The following EIF4G3 variants were observed in gnomAD, a reference collection of about 807,000 sequenced individuals.
EIF4G3 encodes eIF-4-gamma 3.
EIF4G3 carries 34 observed loss-of-function variants against 186.4 expected under a neutral mutation model. The observed-to-expected ratio is 0.18, with a 90% CI of 0.14 to 0.24. EIF4G3 has a LOEUF of 0.24. EIF4G3 is among the 10% of genes least tolerant of loss of function. The probability of loss-of-function intolerance (pLI) is 1.00; values close to 1 mark genes in which losing one functional copy is unlikely to be tolerated. For synonymous variants in EIF4G3, 673 were observed against 679.5 expected (o/e 0.99, Z 0.15); for missense variants, 1,536 against 1,948.5 (o/e 0.79, Z 3.99).
chr1:21,002,808 T>C lies in EIF4G3; in HGVS notation c.-66A>G. The stretch of plus-strand genomic sequence containing the variant: ...GCATTCTGTCCAGAGGGATAAGGGG[T>C]CTGTCAAAAAATGGCAAGAACAATA... On this transcript the variant is annotated splice_region_variant and 5_prime_UTR_variant, in exon 5 of 37. Transcript: ENST00000602326. 1.3e-6 allele frequency: 2 copies of C among 1,557,620 alleles called. No homozygotes were observed. Among genetic ancestry groups the C allele is most frequent in the Non-Finnish European group, 1.8e-6 (2 of 1,136,158 alleles).
intron 14 of EIF4G3, among the ~76,000 whole-genome samples, chr1:20,922,427 A>G (rs1020095792): frequency 2.0e-5 from 3 of 152,016 alleles, no homozygotes; most frequent in African/African-American, 4.8e-5. Context: ...CCTCCCAAGT[A>G]GCTGGGATTA....
intron 13 of EIF4G3, among the ~76,000 whole-genome samples, chr1:20,942,662 G>A (rs2095766014): frequency 6.6e-6 from 1 of 151,962 alleles, no homozygotes; most frequent in Non-Finnish European, 1.5e-5. Context: ...CTTTAAGGTA[G>A]GAAAACCTTC....
At position 21,053,063 on chromosome 1, in the gene EIF4G3, C is replaced by G. The variant is rs2094338555; in HGVS notation, c.-195-2069G>C. Among the ~76,000 whole-genome samples, 5 of 149,760 alleles carry G rather than the reference C, an allele frequency of 3.3e-5. No individual in the cohort carries two copies. In the South Asian group the frequency reaches 1.1e-3, roughly 32 times the overall value. ...GCCCATCGTCTGGGATGTGAGGAGC[C>G]TCTCTGCCTGGCTGCCCAGTCTGGA... On this transcript the variant is annotated intron_variant, in intron 3 of 36. Coordinates refer to ENST00000602326, the MANE Select transcript of EIF4G3 (RefSeq NM_001391906.1).
Position 20,982,374 on chromosome 1 carries a change from C to A in EIF4G3, c.198+14G>T. 1 of 1,519,884 alleles carries A rather than the reference C, an allele frequency of 6.6e-7. No homozygotes were observed. Among genetic ancestry groups the A allele is most frequent in the African/African-American group, 1.4e-5 (1 of 71,976 alleles). The allele number at this position is 1,519,884 out of a possible 1,614,324, so 94.1% of individuals were successfully genotyped here. Reference sequence around the variant, plus strand: ...GAGTTATAAAGAGGCCATGCAGAACCAGTAGTTTGTTACCTGGATAGGTCT... The same window carrying A: ...GAGTTATAAAGAGGCCATGCAGAACAAGTAGTTTGTTACCTGGATAGGTCT... On this transcript the variant is annotated intron_variant, in intron 8 of 36. Transcript: ENST00000602326.
At chr1:21,023,095 CTTTTTTGTTT>C (rs2091140727) in intron 4 of EIF4G3, among the ~76,000 whole-genome samples, 1 of 152,066 alleles carries the variant, frequency 6.6e-6, no homozygotes, top group Non-Finnish European at 1.5e-5. Context: ...GTGAGTTTTT[CTTTTTTGTTT>C]GCAGTAGCAA....
At chr1:20,821,552 C>A (rs959564617) in intron 33 of EIF4G3, among the ~76,000 whole-genome samples, 1 of 152,126 alleles carries the variant, frequency 6.6e-6, no homozygotes, top group Non-Finnish European at 1.5e-5. Flanking sequence ...CACCATCTTC[C>A]CTATTACGTA....
chr1:21,063,255 A>G (rs193010447), intron 3 of EIF4G3, among the ~76,000 whole-genome samples: 1 of 152,254 alleles, frequency 6.6e-6, no homozygotes, highest in Non-Finnish European at 1.5e-5. Context: ...TGAAAAATCA[A>G]AAGTAACCAG....
intron 30 of EIF4G3, among the ~76,000 whole-genome samples, chr1:20,836,169 G>C (rs1350932144): frequency 1.3e-5 from 2 of 152,150 alleles, no homozygotes; most frequent in Admixed American, 6.5e-5. Flanking sequence ...TTTTGGTAGA[G>C]ATAGGGTTTC....
intron 2 of EIF4G3, among the ~76,000 whole-genome samples, chr1:21,163,570 A>G (rs1055954931): frequency 6.6e-6 from 1 of 152,102 alleles, no homozygotes; most frequent in Admixed American, 6.6e-5. Context: ...AAAATCAGCA[A>G]CTCCACTCAT....
At chr1:20,976,596 C>T (rs1041246091) in intron 10 of EIF4G3, among the ~76,000 whole-genome samples, 1 of 152,184 alleles carries the variant, frequency 6.6e-6, no homozygotes, top group Non-Finnish European at 1.5e-5. Flanking sequence ...TTTCTTCTCA[C>T]TGTTTAAACC....
chr1:21,074,064 G>A (rs1170934754), intron 3 of EIF4G3, among the ~76,000 whole-genome samples: 1 of 152,024 alleles, frequency 6.6e-6, no homozygotes, highest in Non-Finnish European at 1.5e-5. Flanking sequence ...AACAAATACT[G>A]GCTAGATGAA....
chr1:21,076,303 C>A (rs1313979041), intron 3 of EIF4G3, among the ~76,000 whole-genome samples: 1 of 151,976 alleles, frequency 6.6e-6, no homozygotes, highest in Non-Finnish European at 1.5e-5. Context: ...AAATAAATGA[C>A]AGTAGAAACA....
intron 12 of EIF4G3, among the ~76,000 whole-genome samples, chr1:20,950,814 G>A (rs2096178032): frequency 6.6e-6 from 1 of 152,098 alleles, no homozygotes; most frequent in African/African-American, 2.4e-5. Flanking sequence ...AATCCAAGCA[G>A]GATAGGTTGA....
chr1:21,029,438 A>G (rs1168453411), intron 4 of EIF4G3, among the ~76,000 whole-genome samples: 1 of 151,904 alleles, frequency 6.6e-6, no homozygotes, highest in Non-Finnish European at 1.5e-5. Flanking sequence ...TTCAGGGACG[A>G]GAACTGGGAA....
rs564716916 is a variant in EIF4G3, at chr1:21,121,300, A to C, written c.-271-32087T>G. Among the ~76,000 whole-genome samples, 4 of 152,338 alleles carry C rather than the reference A, an allele frequency of 2.6e-5. No homozygotes were observed. The East Asian group carries it at 7.7e-4, about 29-fold the overall frequency. ...GGAGAGCTTCCATATGTTATAATAA[A>C]TGTAAATACTTCCTATATTATTTCA... is the stretch of plus-strand genomic sequence containing the variant. On this transcript the variant is annotated intron_variant, in intron 2 of 36. Transcript: ENST00000602326.
chr1:20,871,933 C>T (rs1052757264), intron 20 of EIF4G3, among the ~76,000 whole-genome samples: 3 of 152,000 alleles, frequency 2.0e-5, no homozygotes, highest in Admixed American at 6.5e-5. Context: ...AAGTGATTCT[C>T]GTGCCTCAGC....
intron 34 of EIF4G3, among the ~76,000 whole-genome samples, 159 bp from the exon 35 acceptor site, chr1:20,813,398 T>TAAAA (rs11303095): frequency 4.9e-5 from 4 of 81,832 alleles, no homozygotes; most frequent in South Asian, 5.6e-4. Context: ...CCCTATCTCT[T>TAAAA]AAAAAAAAAA....
intron 2 of EIF4G3, among the ~76,000 whole-genome samples, chr1:21,124,568 T>C (rs1035374848): frequency 1.3e-5 from 2 of 152,212 alleles, no homozygotes; most frequent in African/African-American, 4.8e-5. Context: ...GAAGCCTTCA[T>C]GGGACTATAA....
chr1:20,912,135 G>C (rs1469297607), intron 14 of EIF4G3, among the ~76,000 whole-genome samples: 1 of 152,028 alleles, frequency 6.6e-6, no homozygotes, highest in Non-Finnish European at 1.5e-5. Context: ...AAATTAGCCA[G>C]GTATAGTGTC....
Sources: allele counts gnomAD v4.1 joint callset (sites outside exome capture counted in the v4.1 genomes callset), GRCh38; gene constraint gnomAD v4.1.1; transcripts MANE v1.5; gene names NCBI Gene and HGNC (gene_info 2026-07-23, HGNC 2026-07-21).